Variants in COL22A1 observed in about 807,000 individuals in gnomAD.
COL22A1 encodes the protein collagen type XXII alpha 1 chain, also known as collagen alpha-1(XXII) chain.
Under a neutral mutation model 248.9 loss-of-function variants are expected in COL22A1, and 221 were observed. The ratio of observed to expected loss-of-function variants is 0.89; its 90% CI spans 0.80 to 0.99. The LOEUF (loss-of-function observed/expected upper bound fraction) is 0.99. Among genes scored for constraint, COL22A1 ranks in the 50% least tolerant of loss-of-function variants. COL22A1 has a pLI of 0.00. For synonymous variants in COL22A1, 891 were observed against 793.4 expected, an observed-to-expected ratio of 1.12 and a Z score of -2.07; for missense variants, 2,240 against 2,179.0, an observed-to-expected ratio of 1.03 and a Z score of -0.56.
chr8:138,688,271 A>G (rs1826525235), intron 37 of COL22A1, among the ~76,000 whole-genome samples: 1 of 152,064 alleles, frequency 6.6e-6, no homozygotes, highest in East Asian at 1.9e-4. Flanking sequence ...CTGTAATCCC[A>G]GCACTTTGGG....
chr8:138,851,690 C>G (rs1821656553), intron 3 of COL22A1, among the ~76,000 whole-genome samples: 1 of 152,162 alleles, frequency 6.6e-6, no homozygotes, highest in African/African-American at 2.4e-5. Context: ...TCAGGGGCAG[C>G]AGAGCCCTTG....
chr8:138,749,171 C>T (rs183722177), intron 22 of COL22A1, among the ~76,000 whole-genome samples: 3 of 152,256 alleles, frequency 2.0e-5, no homozygotes, highest in Non-Finnish European at 2.9e-5. Context: ...TGTGAGGCCT[C>T]CCCAGCCCCA....
At chr8:138,634,160 G>C (rs1006905088) in intron 49 of COL22A1, among the ~76,000 whole-genome samples, 2 of 152,158 alleles carry the variant, frequency 1.3e-5, no homozygotes, top group Non-Finnish European at 2.9e-5. Flanking sequence ...TTAACAACTA[G>C]AAGTTGAGTT....
At chr8:138,788,136 C>T (rs911873639) in intron 12 of COL22A1, among the ~76,000 whole-genome samples, 1 of 152,150 alleles carries the variant, frequency 6.6e-6, no homozygotes, top group East Asian at 1.9e-4. Flanking sequence ...CTGCATCAAC[C>T]TCACCTGGGG....
At chr8:138,703,244 G>T in intron 31 of COL22A1, 62 bp downstream of exon 31, 2 of 1,390,284 alleles carry the variant, frequency 1.4e-6, no homozygotes, top group South Asian at 1.2e-5. Context: ...GTTGCTGGAG[G>T]GGGAGTACGA....
intron 5 of COL22A1, among the ~76,000 whole-genome samples, chr8:138,832,530 C>T (rs1485260627): frequency 6.6e-6 from 1 of 152,122 alleles, no homozygotes; most frequent in Non-Finnish European, 1.5e-5. Context: ...AATAATGTAG[C>T]AAGGCAGGAA....
chr8:138,660,833 C>CACACAGACACACACACACAT (rs1564157968), intron 43 of COL22A1, among the ~76,000 whole-genome samples: 94 of 144,426 alleles, frequency 6.5e-4, no homozygotes, highest in Non-Finnish European at 1.2e-3. Context: ...CACACATACA[C>CACACAGACACACACACACAT]ACACAGACAC....
chr8:138,847,881 G>T (rs1821359166), intron 3 of COL22A1, among the ~76,000 whole-genome samples: 1 of 151,812 alleles, frequency 6.6e-6, no homozygotes, highest in African/African-American at 2.4e-5. Flanking sequence ...TTCCAAATTT[G>T]CATGCATTTC....
At chr8:138,702,822 T>C (rs1049123008) in intron 31 of COL22A1, among the ~76,000 whole-genome samples, 3 of 152,170 alleles carry the variant, frequency 2.0e-5, no homozygotes, top group African/African-American at 7.2e-5. Flanking sequence ...ACTGACTTTG[T>C]TAGACCATAA....
Position 138,811,810 on chromosome 8 carries a change from C to G in COL22A1, c.1438G>C (p.Ala480Pro). 7.0e-7 allele frequency: 1 copy of G among 1,420,180 alleles called. No homozygotes were observed. The highest frequency in any genetic ancestry group is 1.5e-5 in the African/African-American group (1 of 67,946). 88.0% of individuals were successfully genotyped at this position (1,420,180 alleles called of 1,614,324 possible). A position where few individuals can be genotyped will look rare whatever the true frequency, so the allele number is the denominator to read the frequency against. ...ACTGCAGACAATACCTTCTCTCCAG[C>G]TGGGCAGGAGCAGTTGATGGTCTTC... is the stretch of plus-strand genomic sequence containing the variant. ...FLKTINCSCP[A>P]GEKGEMGVAG... Residue 480 changes from alanine to proline, a missense_variant, in exon 9 of 65, where the codon GCT becomes CCT. Transcript: ENST00000303045.
chr8:138,760,145 AC>A (rs1386642322), intron 18 of COL22A1, 97 bp downstream of exon 18: 2 of 1,005,188 alleles, frequency 2.0e-6, no homozygotes, highest in African/African-American at 3.4e-5. Context: ...CAGAGTTGCC[AC>A]CCAGGCCCCT....
In COL22A1 at chr8:138,602,207, G is replaced by A. The variant is rs115804329; in HGVS notation, c.4141-48C>T. Reference sequence around the variant, plus strand: ...GTCATTGCCCCGGGCCCTCTGCACTGGTGTCCTTGCCTTGCTGGATATTCT... The same window carrying A: ...GTCATTGCCCCGGGCCCTCTGCACTAGTGTCCTTGCCTTGCTGGATATTCT... On this transcript the variant is annotated intron_variant, in intron 59 of 64. Coordinates refer to ENST00000303045, the MANE Select transcript of COL22A1 (RefSeq NM_152888.3). 2.1e-3 allele frequency: 3,312 copies of A among 1,599,224 alleles called. 57 individuals are homozygous for A. The African/African-American group carries it at 0.039, about 19-fold the overall frequency.
At chr8:138,826,815 G>T (rs1042717761) in intron 5 of COL22A1, 34 bp from the exon 6 acceptor site, 4 of 1,611,604 alleles carry the variant, frequency 2.5e-6, no homozygotes, top group Admixed American at 3.4e-5. Context: ...CACCAGGCTT[G>T]GCGATGAGAG....
At chr8:138,855,301 T>A (rs1286274927) in intron 3 of COL22A1, among the ~76,000 whole-genome samples, 3 of 152,202 alleles carry the variant, frequency 2.0e-5, no homozygotes, top group Non-Finnish European at 4.4e-5. Flanking sequence ...CTATTGTTTG[T>A]TTGGAATAAA....
intron 22 of COL22A1, among the ~76,000 whole-genome samples, chr8:138,740,073 T>C (rs1342594571): frequency 2.0e-5 from 3 of 152,198 alleles, no homozygotes; most frequent in Non-Finnish European, 2.9e-5. Flanking sequence ...CCAGCTCCCC[T>C]TCCTCAGGGA....
chr8:138,870,737 GT>G (rs1252430135), intron 3 of COL22A1, among the ~76,000 whole-genome samples: 3 of 151,772 alleles, frequency 2.0e-5, no homozygotes, highest in African/African-American at 7.3e-5. Context: ...TGTGCATAGT[GT>G]TTGTGTATGT....
chr8:138,757,698 A>G (rs1304738663), intron 18 of COL22A1, among the ~76,000 whole-genome samples: 1 of 152,244 alleles, frequency 6.6e-6, no homozygotes, highest in Admixed American at 6.5e-5. Context: ...CTCGTTCCCT[A>G]TGATACTATC....
At position 138,630,764 on chromosome 8, in the gene COL22A1, C is replaced by T. The variant is rs1414809282; in HGVS notation, c.3610-16G>A. ...CATCTGCCCCCTAAAAAAGACAAGG[C>T]AGAAAGCTAGTTTCTTGTGCATCTA... On this transcript the variant is annotated splice_polypyrimidine_tract_variant and intron_variant, in intron 49 of 64. Transcript: ENST00000303045. 2.5e-6 allele frequency: 4 copies of T among 1,613,296 alleles called. No individual in the cohort carries two copies. Among genetic ancestry groups the T allele is most frequent in the Middle Eastern group, 1.7e-4 (1 of 6,056 alleles).
At chr8:138,851,112 C>A (rs1176991736) in intron 3 of COL22A1, among the ~76,000 whole-genome samples, 2 of 152,188 alleles carry the variant, frequency 1.3e-5, no homozygotes, top group African/African-American at 4.8e-5. Context: ...GGTGTGCAGG[C>A]TGTGCCATGG....
Sources: gnomAD v4.1 joint callset for allele counts (sites outside exome capture counted in the v4.1 genomes callset) on GRCh38, gnomAD v4.1.1 for gene constraint, MANE v1.5 for transcripts, NCBI Gene and HGNC (gene_info 2026-07-23, HGNC 2026-07-21) for gene names.